Variants in LPAR5 observed in about 807,000 individuals in gnomAD.
LPAR5 encodes the protein G protein-coupled receptor 92.
For synonymous variants in LPAR5, 271 were observed against 261.6 expected (o/e 1.04, Z -0.35); for missense variants, 544 against 521.8 (o/e 1.04, Z -0.41).
intron 1 of LPAR5, among the ~76,000 whole-genome samples, chr12:6,632,958 T>C (rs1948989760): frequency 6.6e-6 from 1 of 152,140 alleles, no homozygotes; most frequent in African/African-American, 2.4e-5. Context: ...GAATTCCTGC[T>C]CCTGCCTTTC....
In LPAR5 at chr12:6,620,084, G is replaced by C. The variant is rs748869184; in HGVS notation, c.*46C>G. The C allele has an allele frequency of 1.6e-5, 25 of 1,610,284 alleles. No individual in the cohort carries two copies. The highest frequency in any genetic ancestry group is 3.4e-6 in the Non-Finnish European group (4 of 1,178,224). On this transcript the variant is annotated 3_prime_UTR_variant, in exon 2 of 2. Transcript: ENST00000329858. The surrounding 1 kb of genome is among the most constrained non-coding windows in gnomAD (Gnocchi z 6.8). ...GTACACCCTGTAAGCCTCCCAGAAC[G>C]AGAGGCGTTGGGAGTCGGGCACGGA...
chr12:6,632,060 C>T (rs1948983647), intron 1 of LPAR5, among the ~76,000 whole-genome samples: 1 of 152,188 alleles, frequency 6.6e-6, no homozygotes, highest in Non-Finnish European at 1.5e-5. Flanking sequence ...CAACCTCTGC[C>T]TCCCGGATTC....
intron 1 of LPAR5, among the ~76,000 whole-genome samples, chr12:6,622,802 A>G (rs1472046116): frequency 1.3e-5 from 2 of 152,122 alleles, no homozygotes; most frequent in African/African-American, 2.4e-5. Context: ...ATTGTGGCAC[A>G]TGCCCGTAGT....
chr12:6,630,743 C>T (rs991587211), intron 1 of LPAR5, among the ~76,000 whole-genome samples: 1 of 152,068 alleles, frequency 6.6e-6, no homozygotes, highest in African/African-American at 2.4e-5. Context: ...TGAGCCACCG[C>T]ACCTGGCCCC....
intron 1 of LPAR5, among the ~76,000 whole-genome samples, chr12:6,634,211 T>TA (rs1948997729): frequency 6.6e-6 from 1 of 152,112 alleles, no homozygotes; most frequent in South Asian, 2.1e-4. Flanking sequence ...TTCACCATGT[T>TA]GCCTGGGATG....
At position 6,619,981 on chromosome 12, in the gene LPAR5, C is replaced by T. The variant is rs752973623; in HGVS notation, c.*149G>A. The stretch of plus-strand genomic sequence containing the variant: ...CACTGCCTTCCCTGGGCCCTGGCTT[C>T]CACACTTTGTACTCTTCTGCGTTGC... On this transcript the variant is annotated 3_prime_UTR_variant, in exon 2 of 2. Transcript: ENST00000329858. The T allele has an allele frequency of 1.8e-6, 2 of 1,116,142 alleles. No homozygotes were observed. The highest frequency in any genetic ancestry group is 2.7e-6 in the Non-Finnish European group (2 of 752,042). 69.1% of individuals were successfully genotyped at this position (1,116,142 alleles called of 1,614,324 possible).
intron 1 of LPAR5, among the ~76,000 whole-genome samples, chr12:6,631,879 C>T (rs899161788): frequency 6.6e-6 from 1 of 152,162 alleles, no homozygotes; most frequent in Non-Finnish European, 1.5e-5. Flanking sequence ...CCTCTTTGCC[C>T]AGTTCCTCCC....
In LPAR5 at chr12:6,620,675, C is replaced by G; in HGVS notation, c.574G>C (p.Val192Leu). ...ELWKGRLLPL[V>L]LLAEALGFLL... Reference sequence around the variant, plus strand: ...AAGCCCAGCGCCTCGGCCAGCAGCACGAGGGGCAGCAGCCTGCCTTTCCAC... The same window carrying G: ...AAGCCCAGCGCCTCGGCCAGCAGCAGGAGGGGCAGCAGCCTGCCTTTCCAC... Residue 192 changes from valine to leucine, a missense_variant, in exon 2 of 2, where the codon GTG becomes CTG. By Grantham distance (32) the Val-to-Leu change is conservative. Coordinates refer to ENST00000329858, the MANE Select transcript of LPAR5 (RefSeq NM_020400.6). The surrounding 1 kb of genome is among the most constrained non-coding windows in gnomAD (Gnocchi z 6.8). 6.4e-7 allele frequency: 1 copy of G among 1,563,840 alleles called. No homozygotes were observed. Among genetic ancestry groups the G allele is most frequent in the Non-Finnish European group, 8.7e-7 (1 of 1,154,186 alleles).
In LPAR5 at chr12:6,620,673, C is replaced by A; in HGVS notation, c.576G>T (p.Val192=). The change falls in exon 2 of 2, where the codon GTG becomes GTT. Residue 192 remains valine (V), a synonymous_variant. Transcript: ENST00000329858. This position sits in a 1 kb window ranked among gnomAD's most constrained non-coding sequence, Gnocchi z 6.8. The part of the protein sequence containing the change: ...ELWKGRLLPL[V]LLAEALGFLL... ...GGAAGCCCAGCGCCTCGGCCAGCAG[C>A]ACGAGGGGCAGCAGCCTGCCTTTCC... 1 of 1,562,960 alleles carries A rather than the reference C, an allele frequency of 6.4e-7. No homozygotes were observed. The highest frequency in any genetic ancestry group is 8.7e-7 in the Non-Finnish European group (1 of 1,153,748).
In LPAR5 at chr12:6,621,194, G is replaced by T; in HGVS notation, c.55C>A (p.Arg19=). ...NSSVLPCPDY[R]PTHRLHLVVY... ...ACCAAGTGCAGGCGGTGGGTAGGTC[G>T]GTAGTCAGGACACGGGAGAACAGAA... The change falls in exon 2 of 2, where the codon CGA becomes AGA. Residue 19 remains arginine, a synonymous_variant. Coordinates refer to ENST00000329858, the MANE Select transcript of LPAR5 (RefSeq NM_020400.6). 6.4e-7 allele frequency: 1 copy of T among 1,553,104 alleles called. No individual in the cohort carries two copies. Among genetic ancestry groups the T allele is most frequent in the African/African-American group, 1.4e-5 (1 of 73,030 alleles).
intron 1 of LPAR5, chr12:6,631,760 A>G (rs1948982004): frequency 6.6e-6 from 1 of 152,210 alleles, no homozygotes; most frequent in Non-Finnish European, 1.5e-5. Flanking sequence ...TCTCCTCCAC[A>G]CACCCTGCCC....
intron 1 of LPAR5, among the ~76,000 whole-genome samples, chr12:6,622,297 G>A (rs899961095): frequency 2.6e-5 from 4 of 151,076 alleles, no homozygotes; most frequent in South Asian, 2.1e-4. Flanking sequence ...GCATAGGGGC[G>A]GGCGCCTGTA....
chr12:6,633,513 C>T (rs931521162), intron 1 of LPAR5, among the ~76,000 whole-genome samples: 15 of 151,352 alleles, frequency 9.9e-5, no homozygotes, highest in Non-Finnish European at 1.9e-4. Flanking sequence ...CCCGGGTTCA[C>T]GCAATTCTCC....
intron 1 of LPAR5, among the ~76,000 whole-genome samples, chr12:6,623,788 C>T (rs1948913011): frequency 1.3e-5 from 2 of 152,088 alleles, no homozygotes; most frequent in Admixed American, 1.3e-4. Context: ...GGAGCACCTC[C>T]TTGGACCAGG....
intron 1 of LPAR5, among the ~76,000 whole-genome samples, chr12:6,622,733 ACT>A (rs1565386169): frequency 6.6e-6 from 1 of 151,304 alleles, no homozygotes; most frequent in East Asian, 1.9e-4. Flanking sequence ...ACAGAGCAAG[ACT>A]CTGTCTCAAA....
At chr12:6,631,430 G>T (rs1294058594) in intron 1 of LPAR5, among the ~76,000 whole-genome samples, 2 of 152,138 alleles carry the variant, frequency 1.3e-5, no homozygotes, top group South Asian at 2.1e-4. Flanking sequence ...GAGGAGCAAA[G>T]TGACCACGAC....
intron 1 of LPAR5, among the ~76,000 whole-genome samples, chr12:6,633,934 G>A (rs539774161): frequency 6.6e-6 from 1 of 152,238 alleles, no homozygotes; most frequent in African/African-American, 2.4e-5. Context: ...GTCCCACTGG[G>A]TCTACAACTT....
chr12:6,635,866 C>T (rs1209556435), intron 1 of LPAR5, 41 bp downstream of exon 1: 2 of 152,518 alleles, frequency 1.3e-5, no homozygotes, highest in Non-Finnish European at 2.9e-5. Context: ...GGGTGCTCCC[C>T]TTGTGCTCCC....
chr12:6,634,528 G>C (rs1948999331), intron 1 of LPAR5, among the ~76,000 whole-genome samples: 2 of 152,128 alleles, frequency 1.3e-5, no homozygotes, highest in Non-Finnish European at 2.9e-5. Flanking sequence ...AGCTATTCTG[G>C]AGGCTGAGGC....
Sources: gnomAD v4.1 joint callset for allele counts (sites outside exome capture counted in the v4.1 genomes callset) on GRCh38, gnomAD v4.1.1 for gene constraint, Gnocchi (gnomAD v3.1) non-coding constraint, MANE v1.5 for transcripts, NCBI Gene and HGNC (gene_info 2026-07-23, HGNC 2026-07-21) for gene names.